The following FNDC1 variants were observed in gnomAD, a reference collection of about 807,000 sequenced individuals.
The protein encoded by FNDC1 is fibronectin type III domain-containing protein 1.
A neutral mutation model predicts 168.0 loss-of-function variants in FNDC1; 96 were observed. That is an observed-to-expected ratio of 0.57 (90% confidence interval 0.48 to 0.68). FNDC1 has a LOEUF of 0.68. Ranked by LOEUF, FNDC1 falls within the 30% of genes least tolerant of loss-of-function variation. FNDC1 has a pLI of 0.00. For missense variants in FNDC1, 2,587 were observed against 2,482.1 expected, an observed-to-expected ratio of 1.04 and a Z score of -0.90; for synonymous variants, 1,099 against 1,025.9, an observed-to-expected ratio of 1.07 and a Z score of -1.36.
chr6:159,232,289 C>A lies in FNDC1; in HGVS notation c.1777C>A (p.Arg593=), dbSNP rs767697004. 4.3e-6 allele frequency: 7 copies of A among 1,611,444 alleles called. No individual in the cohort carries two copies. The highest frequency in any genetic ancestry group is 1.7e-4 in the Middle Eastern group (1 of 6,060). The change falls in exon 11 of 23, where the codon CGA becomes AGA. Residue 593 remains arginine, a synonymous_variant. Transcript: ENST00000297267. This position sits in a 1 kb window ranked among gnomAD's most constrained non-coding sequence, Gnocchi z 4.9. The part of the protein sequence containing the change: ...AVRARMPALP[R]REGVDKPGFS... The stretch of plus-strand genomic sequence containing the variant: ...GAGGGCCCGGATGCCAGCGCTGCCC[C>A]GAAGGGAAGGCGTAGATAAGCCTGG...
rs1338400385 is a variant in FNDC1, at chr6:159,271,568, T to G, written c.*126T>G. ...CCCTAGGTGCCAGGAAGGTCATAGA[T>G]GGACACTGGCCATTCTGGTCATCTC... On this transcript the variant is annotated 3_prime_UTR_variant, in exon 23 of 23. Transcript: ENST00000297267. 3 of 671,980 alleles carry G rather than the reference T, an allele frequency of 4.5e-6. No individual in the cohort carries two copies. The highest frequency in any genetic ancestry group is 2.8e-5 in the East Asian group (1 of 35,258). 41.6% of individuals were successfully genotyped at this position (671,980 alleles called of 1,614,324 possible).
At chr6:159,183,745 G>A (rs1562628162) in intron 1 of FNDC1, among the ~76,000 whole-genome samples, 1 of 152,218 alleles carries the variant, frequency 6.6e-6, no homozygotes. Context: ...CTAGTGGTCA[G>A]GGAGGACCTG....
rs752177577 is a variant in FNDC1 at position 159,233,405 on chromosome 6, C to T, written c.2893C>T (p.Pro965Ser). The T allele has an allele frequency of 9.9e-6, 16 of 1,613,014 alleles. No homozygotes were observed. Among genetic ancestry groups the T allele is most frequent in the Admixed American group, 3.3e-5 (2 of 59,960 alleles). The change falls in exon 11 of 23, where the codon CCC becomes TCC. Residue 965 changes from proline (P) to serine (S), a missense_variant. Pro to Ser is a moderately conservative substitution (Grantham distance 74, BLOSUM62 -1). Transcript: ENST00000297267. This position sits in a 1 kb window ranked among gnomAD's most constrained non-coding sequence, Gnocchi z 4.6. Reference sequence around the variant, plus strand: ...AGACGCGGACACGGAGGGTCATTCTCCCAAAGCACAGCCAGGGTCCACAGA... The same window carrying T: ...AGACGCGGACACGGAGGGTCATTCTTCCAAAGCACAGCCAGGGTCCACAGA... ...STDADTEGHS[P>S]KAQPGSTDRH... is the part of the protein sequence containing the mutation.
chr6:159,187,004 A>T (rs551439579), intron 1 of FNDC1, among the ~76,000 whole-genome samples: 4 of 152,352 alleles, frequency 2.6e-5, no homozygotes, highest in Admixed American at 2.6e-4. Context: ...ATAGCTGGTG[A>T]CAACCACGGG....
intron 1 of FNDC1, among the ~76,000 whole-genome samples, chr6:159,184,906 C>G (rs1781959887): frequency 6.6e-6 from 1 of 152,112 alleles, no homozygotes; most frequent in Non-Finnish European, 1.5e-5. Context: ...AGTTGGGTCT[C>G]TGTTGCCTGC....
chr6:159,261,265 A>C lies in FNDC1; in HGVS notation c.5250A>C (p.Glu1750Asp). Residue 1750 changes from glutamate (E) to aspartate (D), a missense_variant, in exon 19 of 23, where the codon GAA (glutamate) becomes GAC (aspartate). Physicochemically the swap from Glu to Asp is conservative, Grantham distance 45 (BLOSUM62 2). Transcript: ENST00000297267. ...PISPSVSFVT[E>D]SDNPLLVVRP... is the part of the protein sequence containing the mutation. Reference sequence around the variant, plus strand: ...GCCCTTCGGTCTCATTTGTCACCGAATCAGGTATGAATGACTTCACATTCT... The same window carrying C: ...GCCCTTCGGTCTCATTTGTCACCGACTCAGGTATGAATGACTTCACATTCT... 6.2e-7 allele frequency: 1 copy of C among 1,609,212 alleles called. No individual in the cohort carries two copies. The highest frequency in any genetic ancestry group is 8.5e-7 in the Non-Finnish European group (1 of 1,176,034).
intron 1 of FNDC1, among the ~76,000 whole-genome samples, chr6:159,175,861 G>A (rs907608005): frequency 2.6e-5 from 4 of 152,186 alleles, no homozygotes; most frequent in African/African-American, 9.7e-5. Context: ...GAAGGCTCCC[G>A]GAAGTGCTAC....
intron 4 of FNDC1, among the ~76,000 whole-genome samples, chr6:159,208,336 G>A (rs974759060): frequency 6.6e-6 from 1 of 152,232 alleles, no homozygotes; most frequent in African/African-American, 2.4e-5. Flanking sequence ...TACGGCCACA[G>A]ATGGGTCACA....
chr6:159,267,384 T>C (rs999840231), intron 21 of FNDC1, among the ~76,000 whole-genome samples: 1 of 152,196 alleles, frequency 6.6e-6, no homozygotes, highest in Non-Finnish European at 1.5e-5. Context: ...CAGCGTCTCA[T>C]GCCACAGGCC....
intron 18 of FNDC1, among the ~76,000 whole-genome samples, chr6:159,258,583 G>A (rs1777419934): frequency 6.6e-6 from 1 of 152,210 alleles, no homozygotes; most frequent in South Asian, 2.1e-4. Context: ...GACAGTGCCA[G>A]GGGCTCTTGG....
chr6:159,234,099 T>G lies in FNDC1; in HGVS notation c.3587T>G (p.Leu1196Arg), dbSNP rs748371494. 5.6e-6 allele frequency: 9 copies of G among 1,609,414 alleles called. No homozygotes were observed. In the East Asian group the frequency reaches 2.0e-4, roughly 36 times the overall value. Reference sequence around the variant, plus strand: ...TTTAAAGGCGGGAAAGAAGACCTTCTGTCTTCCTCTGTGCCAAAGTGGCCC... The same window carrying G: ...TTTAAAGGCGGGAAAGAAGACCTTCGGTCTTCCTCTGTGCCAAAGTGGCCC... ...GFFKGGKEDL[L>R]SSSVPKWPSS... Residue 1196 changes from leucine (L) to arginine (R), a missense_variant, in exon 11 of 23, where the codon CTG becomes CGG. Transcript: ENST00000297267.
At chr6:159,234,994 C>T (rs1695652496) in intron 11 of FNDC1, among the ~76,000 whole-genome samples, 1 of 152,228 alleles carries the variant, frequency 6.6e-6, no homozygotes, top group Admixed American at 6.5e-5. Context: ...TTCTCATCTT[C>T]TGCATGCAAA....
Position 159,200,000 on chromosome 6 carries a change from G to A in FNDC1, c.309G>A (p.Pro103=), listed in dbSNP as rs546961450. 187 of 1,603,374 alleles carry A rather than the reference G, an allele frequency of 1.2e-4. 2 individuals carry two copies. In the South Asian group the frequency reaches 1.8e-3, roughly 16 times the overall value. Residue 103 remains proline, a synonymous_variant, in exon 3 of 23, where the codon CCG becomes CCA. Coordinates refer to ENST00000297267, the MANE Select transcript of FNDC1 (RefSeq NM_032532.3). ...GATATGAACCGTATGTTTCAGAGCC[G>A]GGGGTAGTGTACTTTGTGCTGCTTA... ...TYSFLIEDVE[P]GVVYFVLLTA... is the part of the protein sequence containing the mutation.
At chr6:159,176,953 G>A (rs1311208134) in intron 1 of FNDC1, among the ~76,000 whole-genome samples, 2 of 152,184 alleles carry the variant, frequency 1.3e-5, no homozygotes, top group Non-Finnish European at 2.9e-5. Flanking sequence ...TTTGTTTCAT[G>A]TTTTCTGAAA....
intron 18 of FNDC1, among the ~76,000 whole-genome samples, chr6:159,257,777 C>T (rs547936905): frequency 6.6e-6 from 1 of 152,196 alleles, no homozygotes; most frequent in South Asian, 2.1e-4. Context: ...AAATTAAAAG[C>T]AAGTAGTAAA....
rs371105010 is a variant in FNDC1 at position 159,221,601 on chromosome 6, C to G, written c.671C>G (p.Ser224Trp). The G allele has an allele frequency of 6.2e-7, 1 of 1,613,734 alleles. No homozygotes were observed. Among genetic ancestry groups the G allele is most frequent in the Non-Finnish European group, 8.5e-7 (1 of 1,179,628 alleles). ...ERTHEIKKLA[S>W]ESVYVVSLQS... ...TCCCTCACTCCCTGGTCCACAGCCT[C>G]GGAATCCGTGTATGTGGTCTCCCTG... Residue 224 changes from serine to tryptophan, a missense_variant, in exon 6 of 23, where the codon TCG becomes TGG. Transcript: ENST00000297267.
intron 18 of FNDC1, among the ~76,000 whole-genome samples, chr6:159,258,968 G>T (rs897033683): frequency 1.3e-5 from 2 of 152,154 alleles, no homozygotes; most frequent in African/African-American, 2.4e-5. Flanking sequence ...ATTTACAATT[G>T]GATCTTGCTT....
At chr6:159,230,869 C>G (rs1354676643) in intron 10 of FNDC1, among the ~76,000 whole-genome samples, 1 of 152,168 alleles carries the variant, frequency 6.6e-6, no homozygotes, top group African/African-American at 2.4e-5. Flanking sequence ...GTTCCTCTCC[C>G]CTATAGAATC....
intron 1 of FNDC1, among the ~76,000 whole-genome samples, chr6:159,193,937 C>T (rs930730835): frequency 5.9e-5 from 9 of 152,286 alleles, no homozygotes; most frequent in South Asian, 4.1e-4. Context: ...GGTATCTGAA[C>T]GGCCACCAAA....
Sources: gnomAD v4.1 joint callset for allele counts (sites outside exome capture counted in the v4.1 genomes callset) on GRCh38, gnomAD v4.1.1 for gene constraint, Gnocchi (gnomAD v3.1) non-coding constraint, MANE v1.5 for transcripts, NCBI Gene and HGNC (gene_info 2026-07-23, HGNC 2026-07-21) for gene names.